Variants in NLN observed in about 807,000 individuals in gnomAD.
NLN encodes the protein neurolysin.
Under a neutral mutation model 79.9 loss-of-function variants are expected in NLN, and 64 were observed. The ratio of observed to expected loss-of-function variants is 0.80; its 90% confidence interval spans 0.65 to 0.99. The LOEUF is 0.99. NLN is among the 50% of genes least tolerant of loss of function. The pLI is 0.00. For missense variants in NLN, 835 were observed against 858.7 expected (o/e 0.97, Z 0.34); for synonymous variants, 267 against 296.6 (o/e 0.90, Z 1.02).
At chr5:65,771,404 A>G (rs1435717862) in intron 3 of NLN, among the ~76,000 whole-genome samples, 1 of 152,238 alleles carries the variant, frequency 6.6e-6, no homozygotes, top group African/African-American at 2.4e-5. Flanking sequence ...CTTCATGTCA[A>G]AACAATCAGG....
intron 1 of NLN, among the ~76,000 whole-genome samples, chr5:65,745,868 C>T (rs112541001): frequency 3.2e-4 from 49 of 152,246 alleles, no homozygotes; most frequent in African/African-American, 1.1e-3. Flanking sequence ...CAGAACCTCC[C>T]GGGTTTCTGA....
In NLN at chr5:65,812,348, T is replaced by C. The variant is rs776173886; in HGVS notation, c.1937T>C (p.Met646Thr). ...TGGAGTGAAGTATTTTCCATGGATA[T>C]GTTTTACAGCTGTTTTAAAAAAGAA... The part of the protein sequence containing the change: ...YLWSEVFSMD[M>T]FYSCFKKEGI... The change falls in exon 12 of 13, where the codon ATG (methionine) becomes ACG (threonine). Residue 646 changes from methionine to threonine, a missense_variant. Coordinates refer to ENST00000380985, the MANE Select transcript of NLN (RefSeq NM_020726.5). The C allele has an allele frequency of 6.4e-7, 1 of 1,570,072 alleles. No individual in the cohort carries two copies. Among genetic ancestry groups the C allele is most frequent in the African/African-American group, 1.4e-5 (1 of 73,950 alleles).
At position 65,785,623 on chromosome 5, in the gene NLN, C is replaced by T. The variant is rs1464994387; in HGVS notation, c.823-152C>T. On this transcript the variant is annotated intron_variant, in intron 6 of 12. Transcript: ENST00000380985. ...ATGAATCCAAAAAAAAAAAAAAAAG[C>T]CTATAACACCAAAATGGAACCAGAA... The T allele has an allele frequency of 1.1e-5, 5 of 467,700 alleles. No individual in the cohort carries two copies. In the East Asian group the frequency reaches 1.8e-4, roughly 17 times the overall value. The allele number at this position is 467,700 out of a possible 1,614,324, so 29.0% of individuals were successfully genotyped here.
At chr5:65,802,496 C>T (rs1186141417) in intron 9 of NLN, among the ~76,000 whole-genome samples, 1 of 152,204 alleles carries the variant, frequency 6.6e-6, no homozygotes, top group Non-Finnish European at 1.5e-5. Flanking sequence ...GCTCCTAGGT[C>T]TGGGTTCCCT....
At chr5:65,768,951 G>A (rs1229721105) in intron 3 of NLN, among the ~76,000 whole-genome samples, 3 of 152,240 alleles carry the variant, frequency 2.0e-5, no homozygotes, top group Non-Finnish European at 2.9e-5. Flanking sequence ...ACTTGAAAGG[G>A]CACAGTTCAG....
intron 6 of NLN, among the ~76,000 whole-genome samples, chr5:65,785,030 T>G (rs1759886700): frequency 6.6e-6 from 1 of 152,232 alleles, no homozygotes; most frequent in Non-Finnish European, 1.5e-5. Flanking sequence ...CAGAGTTATA[T>G]TCCATTGTAT....
At chr5:65,723,814 CAAAAAAAAAAA>C (rs760572199) in intron 1 of NLN, among the ~76,000 whole-genome samples, 2 of 55,316 alleles carry the variant, frequency 3.6e-5, no homozygotes, top group African/African-American at 1.3e-4. Flanking sequence ...GACTCCGTCT[CAAAAAAAAAAA>C]AAAAAAAAAA....
intron 1 of NLN, among the ~76,000 whole-genome samples, chr5:65,736,809 C>CA (rs1423393455): frequency 1.3e-5 from 2 of 152,020 alleles, no homozygotes; most frequent in Admixed American, 1.3e-4. Context: ...TTCCAGTATT[C>CA]AAAAAACATG....
At chr5:65,729,756 A>G (rs1221830731) in intron 1 of NLN, among the ~76,000 whole-genome samples, 3 of 152,224 alleles carry the variant, frequency 2.0e-5, no homozygotes, top group East Asian at 3.8e-4. Flanking sequence ...AGAGTTAAAC[A>G]TTATCACCTC....
intron 6 of NLN, among the ~76,000 whole-genome samples, chr5:65,784,997 C>T (rs1759886272): frequency 1.3e-5 from 2 of 152,306 alleles, no homozygotes; most frequent in South Asian, 4.1e-4. Flanking sequence ...TAGCATGTGT[C>T]AGAATTTCCT....
rs974412851 is a variant in NLN, at chr5:65,739,924, C to T, written c.41+17510C>T. Among the ~76,000 whole-genome samples the T allele has an allele frequency of 2.0e-5, 3 of 152,078 alleles. 1 individual carries two copies. In the South Asian group the frequency reaches 6.2e-4, roughly 31 times the overall value. ...AATCCCTTATGAGATGTATATTTTG[C>T]AAATATTTCCTCCCATTCTATAGGT... is the stretch of plus-strand genomic sequence containing the variant. On this transcript the variant is annotated intron_variant, in intron 1 of 12. Coordinates refer to ENST00000380985, the MANE Select transcript of NLN (RefSeq NM_020726.5).
At chr5:65,724,147 T>G (rs574653856) in intron 1 of NLN, among the ~76,000 whole-genome samples, 1 of 149,882 alleles carries the variant, frequency 6.7e-6, no homozygotes, top group Non-Finnish European at 1.5e-5. Context: ...ATTTACCATT[T>G]TGATAATTTT....
intron 10 of NLN, 47 bp from the exon 11 acceptor site, chr5:65,809,990 C>A: frequency 6.3e-7 from 1 of 1,596,122 alleles, no homozygotes; most frequent in Admixed American, 1.7e-5. Flanking sequence ...ATAAAACACA[C>A]AGTTCTGTCT....
At position 65,823,137 on chromosome 5, in the gene NLN, A is replaced by G. The variant is rs2150780441; in HGVS notation, c.*222A>G. ...AGTAATTGTACTATAAAATTTCATA[A>G]AACTGGATTTGATTTCTTTTTATGA... On this transcript the variant is annotated 3_prime_UTR_variant, in exon 13 of 13. Transcript: ENST00000380985. 1 of 423,894 alleles carries G rather than the reference A, an allele frequency of 2.4e-6. No homozygotes were observed. Among genetic ancestry groups the G allele is most frequent in the Non-Finnish European group, 4.2e-6 (1 of 239,920 alleles). 26.3% of individuals were successfully genotyped at this position (423,894 alleles called of 1,614,324 possible).
chr5:65,808,054 A>G (rs1301701095), intron 9 of NLN, among the ~76,000 whole-genome samples: 1 of 152,088 alleles, frequency 6.6e-6, no homozygotes, highest in Non-Finnish European at 1.5e-5. Context: ...GGGGACCCTT[A>G]CCTCTTTCCC....
At chr5:65,752,973 CAGGGAAT>C (rs1301864602) in intron 1 of NLN, among the ~76,000 whole-genome samples, 71 of 152,150 alleles carry the variant, frequency 4.7e-4, no homozygotes, top group Non-Finnish European at 1.3e-4. Flanking sequence ...CTTCCAGGTT[CAGGGAAT>C]AGTATTACAT....
chr5:65,809,614 C>T lies in NLN; in HGVS notation c.1627C>T (p.Arg543Ter), dbSNP rs200418285. 2.7e-5 allele frequency: 43 copies of T among 1,613,712 alleles called. No homozygotes were observed. The highest frequency in any genetic ancestry group is 3.4e-5 in the Non-Finnish European group (40 of 1,179,916). ...ENWVWDVDSLRRLSKHYKDGS... is the reference protein window; with the variant it reads ...ENWVWDVDSL ...TTGGGTGTGGGACGTCGATTCCCTC[C>T]GAAGATTGTCAAAACATTATAAAGA... Residue 543 changes from arginine (R) to a stop codon, truncating the protein, a stop_gained, in exon 10 of 13, where the codon CGA becomes TGA. Coordinates refer to ENST00000380985, the MANE Select transcript of NLN (RefSeq NM_020726.5). LOFTEE classifies it high-confidence loss of function.
At chr5:65,766,961 C>T (rs1230506367) in intron 3 of NLN, among the ~76,000 whole-genome samples, 1 of 152,250 alleles carries the variant, frequency 6.6e-6, no homozygotes, top group East Asian at 1.9e-4. Flanking sequence ...GGTGGGCCCC[C>T]ATGGCCTTGG....
At chr5:65,763,428 A>C (rs190088326) in intron 3 of NLN, among the ~76,000 whole-genome samples, 2 of 152,330 alleles carry the variant, frequency 1.3e-5, no homozygotes, top group African/African-American at 4.8e-5. Context: ...AATGGAATCA[A>C]GTTGTTTATC....
Sources: allele counts gnomAD v4.1 joint callset (sites outside exome capture counted in the v4.1 genomes callset), GRCh38; gene constraint gnomAD v4.1.1; transcripts MANE v1.5; gene names NCBI Gene and HGNC (gene_info 2026-07-23, HGNC 2026-07-21).